CAMTA1: variants seen among roughly 807,000 people sequenced by gnomAD.
The protein encoded by CAMTA1 is calmodulin binding transcription activator 1.
CAMTA1 carries 27 observed loss-of-function variants against 170.9 expected under a neutral mutation model. That is an observed-to-expected ratio of 0.16 (90% CI 0.12 to 0.22). The LOEUF is 0.22. CAMTA1 is among the 10% of genes least tolerant of loss of function. The pLI is 1.00. For missense variants in CAMTA1, 1,619 were observed against 2,217.2 expected (o/e 0.73, Z 5.42); for synonymous variants, 833 against 891.5 (o/e 0.93, Z 1.17).
At chr1:6,958,121 T>G (rs1689771351) in intron 3 of CAMTA1, among the ~76,000 whole-genome samples, 1 of 152,208 alleles carries the variant, frequency 6.6e-6, no homozygotes, top group African/African-American at 2.4e-5. Context: ...GGAGTCTCCC[T>G]GAATGAAAAT....
At chr1:7,555,809 T>G (rs2094868578) in intron 6 of CAMTA1, among the ~76,000 whole-genome samples, 1 of 152,150 alleles carries the variant, frequency 6.6e-6, no homozygotes, top group South Asian at 2.1e-4. Context: ...CACCACTAGG[T>G]CTGTCCACCT....
At position 7,744,839 on chromosome 1, in the gene CAMTA1, A is replaced by G. The variant is rs1056458813; in HGVS notation, c.4187A>G (p.Asn1396Ser). Residue 1396 changes from asparagine (N) to serine (S), a missense_variant, in exon 17 of 23, where the codon AAC becomes AGC. By Grantham distance (46) the Asn-to-Ser change is conservative. Transcript: ENST00000303635. ...CGQPMDDIQV[N>S]MMTLAEHIIE... The stretch of plus-strand genomic sequence containing the variant: ...TCTGTGAACTTCTGACTTCAGGTGA[A>G]CATGATGACCTTGGCAGAACACATT... The G allele has an allele frequency of 1.2e-6, 2 of 1,612,088 alleles. No homozygotes were observed. The highest frequency in any genetic ancestry group is 1.7e-6 in the Non-Finnish European group (2 of 1,179,052).
At chr1:7,276,303 A>ATTTATTTTTTTTTTTTTTTTTTTT (rs1670691568) in intron 5 of CAMTA1, among the ~76,000 whole-genome samples, 1 of 24,228 alleles carries the variant, frequency 4.1e-5, no homozygotes, top group African/African-American at 3.0e-4. Context: ...ATATATATAT[A>ATTTATTTTTTTTTTTTTTTTTTTT]TTTTTTTTTT....
chr1:7,492,172 A>G (rs1432567160), intron 6 of CAMTA1, among the ~76,000 whole-genome samples: 2 of 152,184 alleles, frequency 1.3e-5, no homozygotes, highest in African/African-American at 4.8e-5. Flanking sequence ...CCTCCTTGGT[A>G]GAGCGTCTTT....
intron 3 of CAMTA1, among the ~76,000 whole-genome samples, chr1:6,865,304 G>A (rs1666194214): frequency 6.6e-6 from 1 of 152,070 alleles, no homozygotes; most frequent in South Asian, 2.1e-4. Flanking sequence ...CACTCCTGAG[G>A]GCCCATTCAT....
At chr1:7,758,934 CAAAAA>C (rs34490247) in intron 22 of CAMTA1, among the ~76,000 whole-genome samples, 2 of 78,996 alleles carry the variant, frequency 2.5e-5, no homozygotes, top group Admixed American at 1.3e-4. Context: ...GACTCTGTCT[CAAAAA>C]AAAAAAAAAA....
chr1:6,835,018 C>T (rs1388118859), intron 3 of CAMTA1, among the ~76,000 whole-genome samples: 1 of 152,174 alleles, frequency 6.6e-6, no homozygotes, highest in East Asian at 1.9e-4. Flanking sequence ...TTTTTCATCA[C>T]CCCGCAGCCT....
At chr1:7,661,904 GA>G in intron 8 of CAMTA1, 38 bp downstream of exon 8, 1 of 1,565,608 alleles carries the variant, frequency 6.4e-7, no homozygotes. Flanking sequence ...GCGCCACGGG[GA>G]CAGAGGGGCC....
intron 11 of CAMTA1, chr1:7,693,133 GA>G (rs2096337265): frequency 6.6e-6 from 1 of 152,430 alleles, no homozygotes; most frequent in Non-Finnish European, 1.5e-5. Flanking sequence ...ATTTACAAAA[GA>G]AAGGGGTTTA....
intron 3 of CAMTA1, among the ~76,000 whole-genome samples, chr1:7,069,552 G>A (rs1056892330): frequency 2.0e-5 from 3 of 152,146 alleles, no homozygotes; most frequent in Non-Finnish European, 4.4e-5. Context: ...TTTTGTCAGC[G>A]GACCGTTTGG....
intron 5 of CAMTA1, among the ~76,000 whole-genome samples, chr1:7,254,740 A>G (rs1328311389): frequency 6.6e-5 from 10 of 152,256 alleles, no homozygotes; most frequent in African/African-American, 2.4e-4. Flanking sequence ...AGGGCATGAA[A>G]TAACTGTCTG....
At chr1:6,837,490 A>G (rs1014637815) in intron 3 of CAMTA1, among the ~76,000 whole-genome samples, 1 of 152,168 alleles carries the variant, frequency 6.6e-6, no homozygotes, top group African/African-American at 2.4e-5. Context: ...AGAAGTTGAG[A>G]AAGTTAAAAG....
intron 3 of CAMTA1, among the ~76,000 whole-genome samples, chr1:7,068,673 T>A (rs190641917): frequency 3.3e-5 from 5 of 152,210 alleles, no homozygotes; most frequent in Admixed American, 2.0e-4. Flanking sequence ...AATTCATGGC[T>A]ACTGAACATC....
rs151206476 is a variant in CAMTA1 at position 7,527,153 on chromosome 1, AT to A, written c.510+59253del. Among the ~76,000 whole-genome samples the A allele has an allele frequency of 2.7e-3, 410 of 152,296 alleles. 5 individuals are homozygous for A. In the East Asian group the frequency reaches 0.029, roughly 11 times the overall value. On this transcript the variant is annotated intron_variant, in intron 6 of 22. Transcript: ENST00000303635. ...AAAGCCACCACTGACTGTAGCCACC[AT>A]GATCAGCTTTATATCTGATGATCTC... is the stretch of plus-strand genomic sequence containing the variant.
chr1:7,353,736 T>C (rs942537170), intron 5 of CAMTA1, among the ~76,000 whole-genome samples: 1 of 152,302 alleles, frequency 6.6e-6, no homozygotes, highest in African/African-American at 2.4e-5. Context: ...AACTCTTTTT[T>C]AAATTTTATT....
At chr1:7,184,184 A>G (rs925895966) in intron 4 of CAMTA1, among the ~76,000 whole-genome samples, 1 of 152,158 alleles carries the variant, frequency 6.6e-6, no homozygotes, top group African/African-American at 2.4e-5. Flanking sequence ...AAATTAAACA[A>G]TTGAACGCAT....
intron 1 of CAMTA1, among the ~76,000 whole-genome samples, chr1:6,785,974 G>C (rs1639155121): frequency 6.6e-6 from 1 of 150,986 alleles, no homozygotes; most frequent in African/African-American, 2.4e-5. Flanking sequence ...GGTCCACGGT[G>C]GGGGCCGCGG....
chr1:7,301,904 C>T (rs1037309496), intron 5 of CAMTA1, among the ~76,000 whole-genome samples: 2 of 152,156 alleles, frequency 1.3e-5, no homozygotes, highest in African/African-American at 4.8e-5. Context: ...CTTTCTCGGG[C>T]CCCTGGGCCT....
rs958342006 is a variant in CAMTA1, at chr1:7,561,596, C to T, written c.511-78804C>T. Among the ~76,000 whole-genome samples, 1 of 151,906 alleles carries T rather than the reference C, an allele frequency of 6.6e-6. No homozygotes were observed. The highest frequency in any genetic ancestry group is 2.4e-5 in the African/African-American group (1 of 41,348). On this transcript the variant is annotated intron_variant, in intron 6 of 22. Coordinates refer to ENST00000303635, the MANE Select transcript of CAMTA1 (RefSeq NM_015215.4). The surrounding 1 kb of genome is among the most constrained non-coding windows in gnomAD (Gnocchi z 5.3). ...TTCAGGGAGGAGGGGAGACTGTGGG[C>T]GGCTTGCGCAGCACCCTCTGCAGGC... is the stretch of plus-strand genomic sequence containing the variant.
Sources: gnomAD v4.1 joint callset for allele counts (sites outside exome capture counted in the v4.1 genomes callset) on GRCh38, gnomAD v4.1.1 for gene constraint, Gnocchi (gnomAD v3.1) non-coding constraint, MANE v1.5 for transcripts, NCBI Gene and HGNC (gene_info 2026-07-23, HGNC 2026-07-21) for gene names.